The following ATP2C2 variants were observed in gnomAD, a reference collection of about 807,000 sequenced individuals.
ATP2C2 encodes the protein calcium-transporting ATPase type 2C member 2.
Under a neutral mutation model 110.8 loss-of-function variants are expected in ATP2C2, and 171 were observed. That is an observed-to-expected ratio of 1.54 (90% CI 1.36 to 1.75). The LOEUF is 1.75. Among genes scored for constraint, ATP2C2 ranks in the 40% most tolerant of loss-of-function variants. The probability of loss-of-function intolerance (pLI) is 0.00; values close to 1 mark genes in which losing one functional copy is unlikely to be tolerated. For missense variants in ATP2C2, 1,963 were observed against 1,235.0 expected (o/e 1.59, Z -8.84); for synonymous variants, 804 against 508.4 (o/e 1.58, Z -7.82).
At chr16:84,448,747 AGT>A in intron 17 of ATP2C2, 58 bp downstream of exon 17, 1 of 1,552,320 alleles carries the variant, frequency 6.4e-7, no homozygotes, top group South Asian at 1.2e-5. Context: ...TTGACTTTTA[AGT>A]GCATTCAAGC....
rs532283331 is a variant in ATP2C2, at chr16:84,463,438, G to C, written c.2723-176G>C. Among the ~76,000 whole-genome samples the C allele has an allele frequency of 1.3e-3, 192 of 152,232 alleles. 1 individual carries two copies. Among genetic ancestry groups the C allele is most frequent in the African/African-American group, 4.4e-3 (184 of 41,536 alleles). On this transcript the variant is annotated intron_variant, in intron 26 of 26. Transcript: ENST00000262429. ...CCTGGAACCACAGGCAGGCCCTTCT[G>C]GAACTGCAGCATTTTGGATTCTGGG...
At chr16:84,450,167 C>T (rs1910129958) in intron 17 of ATP2C2, among the ~76,000 whole-genome samples, 1 of 152,246 alleles carries the variant, frequency 6.6e-6, no homozygotes, top group South Asian at 2.1e-4. Flanking sequence ...ACACGCAGGT[C>T]CTTTTTTGTT....
rs761823090 is a variant in ATP2C2, at chr16:84,410,603, G to C, written c.453G>C (p.Gln151His). The change falls in exon 5 of 27, where the codon CAG (glutamine) becomes CAC (histidine). Residue 151 changes from glutamine to histidine, a missense_variant and splice_region_variant. Transcript: ENST00000262429. ...VLVVVTVAFIQEYRSEKSLEE... is the reference protein window; with the variant it reads ...VLVVVTVAFIHEYRSEKSLEE... ...TCGTGGTCACTGTCGCCTTCATCCA[G>C]GTGAGTATTTCCTGAGGTCCCAGTC... 5.0e-6 allele frequency: 8 copies of C among 1,614,002 alleles called. No individual in the cohort carries two copies. Among genetic ancestry groups the C allele is most frequent in the Non-Finnish European group, 5.9e-6 (7 of 1,180,024 alleles).
In ATP2C2 at chr16:84,410,584, T is replaced by C; in HGVS notation, c.434T>C (p.Val145Ala). 6.2e-7 allele frequency: 1 copy of C among 1,614,106 alleles called. No individual in the cohort carries two copies. Among genetic ancestry groups the C allele is most frequent in the Non-Finnish European group, 8.5e-7 (1 of 1,180,016 alleles). Residue 145 changes from valine to alanine, a missense_variant, in exon 5 of 27, where the codon GTC becomes GCC. Coordinates refer to ENST00000262429, the MANE Select transcript of ATP2C2 (RefSeq NM_014861.4). ...VSIATAVLVV[V>A]TVAFIQEYRS... ...GCTGTCTAGGCAGTGCTTGTCGTGG[T>C]CACTGTCGCCTTCATCCAGGTGAGT...
chr16:84,375,332 A>T (rs1910188788), intron 1 of ATP2C2, among the ~76,000 whole-genome samples: 1 of 152,186 alleles, frequency 6.6e-6, no homozygotes, highest in Admixed American at 6.5e-5. Context: ...ACTTGAGGTC[A>T]GGAGTTCGAG....
intron 1 of ATP2C2, among the ~76,000 whole-genome samples, chr16:84,369,070 T>G (rs1373848247): frequency 1.3e-5 from 2 of 152,260 alleles, no homozygotes; most frequent in Non-Finnish European, 2.9e-5. Flanking sequence ...CTTGGGCTGC[T>G]TTATGGATTT....
chr16:84,383,153 G>C (rs1910682524), intron 1 of ATP2C2, among the ~76,000 whole-genome samples: 1 of 152,170 alleles, frequency 6.6e-6, no homozygotes, highest in African/African-American at 2.4e-5. Flanking sequence ...ACTGCTTTCT[G>C]CTACTGAGGC....
At chr16:84,383,681 G>A (rs376921509) in intron 1 of ATP2C2, among the ~76,000 whole-genome samples, 59 of 150,558 alleles carry the variant, frequency 3.9e-4, no homozygotes, top group East Asian at 1.7e-3. Context: ...CAGCCTCACC[G>A]CCCCCATTTA....
chr16:84,422,579 C>G, intron 8 of ATP2C2, 40 bp downstream of exon 8: 1 of 1,611,602 alleles, frequency 6.2e-7, no homozygotes, highest in Non-Finnish European at 8.5e-7. Context: ...TCCCGTAACC[C>G]ACAGGCTCCC....
chr16:84,439,788 C>A (rs1399166653), intron 13 of ATP2C2, among the ~76,000 whole-genome samples: 1 of 152,160 alleles, frequency 6.6e-6, no homozygotes, highest in Non-Finnish European at 1.5e-5. Flanking sequence ...TAGAAAAAAT[C>A]TTCCATACCT....
intron 7 of ATP2C2, 66 bp downstream of exon 7, chr16:84,415,657 C>A: frequency 1.5e-6 from 2 of 1,319,992 alleles, no homozygotes; most frequent in Non-Finnish European, 2.1e-6. Context: ...AGACACTTAG[C>A]TAATTGTAGG....
At chr16:84,397,293 G>T (rs1905045753) in intron 1 of ATP2C2, among the ~76,000 whole-genome samples, 1 of 151,366 alleles carries the variant, frequency 6.6e-6, no homozygotes, top group South Asian at 2.1e-4. Context: ...CCTTTTCTTT[G>T]GTTATTTAAA....
chr16:84,406,343 C>G (rs1016784266), intron 3 of ATP2C2, among the ~76,000 whole-genome samples: 1 of 152,218 alleles, frequency 6.6e-6, no homozygotes, highest in Non-Finnish European at 1.5e-5. Context: ...CAGAATTTTC[C>G]AGGTGCCTGA....
At chr16:84,449,441 G>A (rs961284251) in intron 17 of ATP2C2, among the ~76,000 whole-genome samples, 2 of 152,196 alleles carry the variant, frequency 1.3e-5, no homozygotes, top group Admixed American at 6.5e-5. Flanking sequence ...TTTGTGTTGC[G>A]CTGGGTCTAC....
chr16:84,450,090 G>A (rs551341862), intron 17 of ATP2C2, among the ~76,000 whole-genome samples: 10 of 152,372 alleles, frequency 6.6e-5, no homozygotes, highest in Non-Finnish European at 1.5e-4. Flanking sequence ...GGCCTTGCGG[G>A]AGAGCGTAAT....
intron 1 of ATP2C2, among the ~76,000 whole-genome samples, chr16:84,369,838 G>T (rs553981446): frequency 6.6e-6 from 1 of 152,212 alleles, no homozygotes; most frequent in Admixed American, 6.5e-5. Flanking sequence ...GTCTTAGGGT[G>T]GTAGGCCACA....
intron 1 of ATP2C2, among the ~76,000 whole-genome samples, chr16:84,384,640 C>T (rs888677930): frequency 1.7e-4 from 26 of 152,312 alleles, no homozygotes; most frequent in Admixed American, 3.9e-4. Context: ...TTTATTTTCG[C>T]TCATTAAGTT....
intron 10 of ATP2C2, 144 bp downstream of exon 10, chr16:84,423,407 A>G: frequency 1.4e-6 from 1 of 732,332 alleles, no homozygotes; most frequent in Non-Finnish European, 2.3e-6. Flanking sequence ...TCCACAAGCA[A>G]CAAGAGCTTT....
At chr16:84,422,950 C>A (rs914448233) in intron 9 of ATP2C2, among the ~76,000 whole-genome samples, 3 of 152,078 alleles carry the variant, frequency 2.0e-5, no homozygotes, top group Non-Finnish European at 4.4e-5. Context: ...CAGGCATAAG[C>A]CACCACACCT....
Sources: allele counts gnomAD v4.1 joint callset (sites outside exome capture counted in the v4.1 genomes callset), GRCh38; gene constraint gnomAD v4.1.1; transcripts MANE v1.5; gene names NCBI Gene and HGNC (gene_info 2026-07-23, HGNC 2026-07-21).